Variants in RAD51D observed in about 807,000 individuals in gnomAD.
The protein encoded by RAD51D is RAD51 paralog D.
RAD51D carries 38 observed loss-of-function variants against 44.1 expected under a neutral mutation model. That is an observed-to-expected ratio of 0.86 (90% CI 0.67 to 1.13). The LOEUF (loss-of-function observed/expected upper bound fraction) is 1.13. Ranked by LOEUF, RAD51D falls within the 50% of genes most tolerant of loss-of-function variation. RAD51D has a pLI of 0.00. For missense variants in RAD51D, 390 were observed against 414.0 expected, an observed-to-expected ratio of 0.94 and a Z score of 0.50; for synonymous variants, 141 against 166.6, an observed-to-expected ratio of 0.85 and a Z score of 1.18.
intron 2 of RAD51D, among the ~76,000 whole-genome samples, 186 bp downstream of exon 2, chr17:35,118,925 T>C (rs999896994): frequency 4.6e-5 from 7 of 152,160 alleles, no homozygotes; most frequent in African/African-American, 1.7e-4. Flanking sequence ...GTATTTTTAG[T>C]AGGGACAGGG....
chr17:35,117,794 T>G (rs1256038108), intron 3 of RAD51D, among the ~76,000 whole-genome samples: 1 of 152,140 alleles, frequency 6.6e-6, no homozygotes, highest in African/African-American at 2.4e-5. Flanking sequence ...GAGCACTGCA[T>G]CTGGACCGCA....
intron 3 of RAD51D, among the ~76,000 whole-genome samples, chr17:35,116,110 GT>G (rs2091743140): frequency 6.6e-6 from 1 of 151,348 alleles, no homozygotes; most frequent in South Asian, 2.1e-4. Context: ...TAGAAACCTG[GT>G]GAGTCAGCTT....
At chr17:35,116,981 G>T (rs199583918) in intron 3 of RAD51D, 1 of 1,613,812 alleles carries the variant, frequency 6.2e-7, no homozygotes, top group South Asian at 1.1e-5. Context: ...ATCTCCCTGC[G>T]GGGACCTGAG....
At chr17:35,119,377 C>G in intron 1 of RAD51D, 155 bp downstream of exon 1, 1 of 997,608 alleles carries the variant, frequency 1.0e-6, no homozygotes, top group Non-Finnish European at 1.6e-6. Context: ...CTTGGCTCCC[C>G]ACGCCCACCC....
At position 35,119,149 on chromosome 17, in the gene RAD51D, G is replaced by A. The variant is rs1597877703; in HGVS notation, c.106C>T (p.Leu36=). The change falls in exon 2 of 10, where the codon CTG becomes TTG. Residue 36 remains leucine (L), a synonymous_variant. Transcript: ENST00000345365. ...CCACATTTCTGAGCTACCTCTTCCA[G>A]GTCTGCAGAAACCAGGTCCACCACT... ...KTVVDLVSAD[L]EEVAQKCGLS... The A allele has an allele frequency of 6.2e-7, 1 of 1,614,018 alleles. No homozygotes were observed. The highest frequency in any genetic ancestry group is 8.5e-7 in the Non-Finnish European group (1 of 1,179,858).
At chr17:35,113,170 C>G (rs1413384679) in intron 3 of RAD51D, among the ~76,000 whole-genome samples, 1 of 152,220 alleles carries the variant, frequency 6.6e-6, no homozygotes, top group Non-Finnish European at 1.5e-5. Flanking sequence ...TTTCCTAGCC[C>G]TACAATCACC....
intron 3 of RAD51D, among the ~76,000 whole-genome samples, chr17:35,115,859 A>G (rs1308814194): frequency 6.7e-6 from 1 of 149,706 alleles, no homozygotes; most frequent in African/African-American, 2.5e-5. Context: ...ACAGAGTGAA[A>G]CTCCGTCAAA....
rs2142477868 is a variant in RAD51D at position 35,119,167 on chromosome 17, C to T, written c.88G>A (p.Asp30Asn). ...TCTTCCAGGTCTGCAGAAACCAGGT[C>T]CACCACTGAAAACAAAACACGTATA... is the stretch of plus-strand genomic sequence containing the variant. ...LRSHRIKTVVDLVSADLEEVA... is the reference protein window; with the variant it reads ...LRSHRIKTVVNLVSADLEEVA... Residue 30 changes from aspartate to asparagine, a missense_variant, in exon 2 of 10, where the codon GAC (aspartate) becomes AAC (asparagine). Physicochemically the swap from Asp to Asn is conservative, Grantham distance 23. Transcript: ENST00000345365. 6.2e-7 allele frequency: 1 copy of T among 1,613,780 alleles called. No homozygotes were observed.
chr17:35,099,749 T>A lies in RAD51D; in HGVS notation c.*1204A>T. On this transcript the variant is annotated 3_prime_UTR_variant, in exon 10 of 10. Coordinates refer to ENST00000345365, the MANE Select transcript of RAD51D (RefSeq NM_002878.4). ...CAACAGGCTCTCTAACCAAGAAAGA[T>A]GACCTTCCTTTAAAAGATGTGGCCA... 1 of 409,224 alleles carries A rather than the reference T, an allele frequency of 2.4e-6. No homozygotes were observed. The highest frequency in any genetic ancestry group is 2.0e-5 in the South Asian group (1 of 50,568). The allele number at this position is 409,224 out of a possible 1,614,324, so 25.3% of individuals were successfully genotyped here. A position where few individuals can be genotyped will look rare whatever the true frequency, so the allele number is the denominator to read the frequency against.
At chr17:35,109,911 C>G (rs1230414377) in intron 3 of RAD51D, among the ~76,000 whole-genome samples, 1 of 151,970 alleles carries the variant, frequency 6.6e-6, no homozygotes, top group Admixed American at 6.6e-5. Context: ...AGGTGATCAA[C>G]CTGCCTTGGC....
intron 3 of RAD51D, among the ~76,000 whole-genome samples, chr17:35,108,126 TC>T (rs1322306369): frequency 6.6e-6 from 1 of 151,384 alleles, no homozygotes; most frequent in African/African-American, 2.4e-5. Flanking sequence ...ACGCCTGTAG[TC>T]CTAGCTACTC....
rs1350756279 is a variant in RAD51D at position 35,100,220 on chromosome 17, C to T, written c.*733G>A. The T allele has an allele frequency of 9.4e-6, 5 of 532,446 alleles. No homozygotes were observed. In the East Asian group the frequency reaches 1.2e-4, roughly 13 times the overall value. The allele number at this position is 532,446 out of a possible 1,614,324, so 33.0% of individuals were successfully genotyped here. On this transcript the variant is annotated 3_prime_UTR_variant, in exon 10 of 10. Transcript: ENST00000345365. ...CCCTCCCTTTCTGTTAAATTATATC[C>T]CTGGAACTGCAGCGAGCCCACACGT...
chr17:35,100,079 T>C lies in RAD51D; in HGVS notation c.*874A>G, dbSNP rs1353976502. ...TATTTACTGTGCAAATTCTCCTCTGTCTGTTTATGGGCAAGGCCATGGTTC... is the reference window on the plus strand; with the variant it reads ...TATTTACTGTGCAAATTCTCCTCTGCCTGTTTATGGGCAAGGCCATGGTTC... On this transcript the variant is annotated 3_prime_UTR_variant, in exon 10 of 10. Transcript: ENST00000345365. 2 of 533,134 alleles carry C rather than the reference T, an allele frequency of 3.8e-6. No homozygotes were observed. The allele number at this position is 533,134 out of a possible 1,614,324, so 33.0% of individuals were successfully genotyped here.
rs750282687 is a variant in RAD51D at position 35,116,888 on chromosome 17, AT to A, written c.263+1612del. On this transcript the variant is annotated intron_variant, in intron 3 of 9. Transcript: ENST00000345365. ...AAGTGCTGACCGCAGTGCCTCGTTC[AT>A]CGAAAGCATTCAGCGAAAGTCCATC... The A allele has an allele frequency of 1.8e-5, 28 of 1,584,838 alleles. No homozygotes were observed. Among genetic ancestry groups the A allele is most frequent in the South Asian group, 1.3e-4 (11 of 87,320 alleles).
chr17:35,106,045 T>C (rs1178686974), intron 6 of RAD51D: 3 of 471,476 alleles, frequency 6.4e-6, no homozygotes, highest in East Asian at 6.4e-5. Context: ...TCCCAACTCA[T>C]GTGACATAAT....
chr17:35,106,925 G>T, intron 5 of RAD51D, 63 bp downstream of exon 5: 1 of 1,612,224 alleles, frequency 6.2e-7, no homozygotes, highest in East Asian at 2.2e-5. Flanking sequence ...TTCTTACAAT[G>T]TTAAGGGATA....
At chr17:35,117,309 C>T (rs2091762082) in intron 3 of RAD51D, among the ~76,000 whole-genome samples, 1 of 152,328 alleles carries the variant, frequency 6.6e-6, no homozygotes, top group East Asian at 1.9e-4. Flanking sequence ...ACTGCATGAA[C>T]CCTGCCAAGA....
intron 3 of RAD51D, among the ~76,000 whole-genome samples, chr17:35,111,922 C>T (rs1043172016): frequency 1.3e-5 from 2 of 152,230 alleles, no homozygotes; most frequent in African/African-American, 2.4e-5. Context: ...GAACAAAGTA[C>T]ATGTCATCCA....
chr17:35,119,616 TC>T lies in RAD51D; in HGVS notation c.-4del. 6.2e-7 allele frequency: 1 copy of T among 1,610,664 alleles called. No homozygotes were observed. Among genetic ancestry groups the T allele is most frequent in the Admixed American group, 1.7e-5 (1 of 60,026 alleles). The stretch of plus-strand genomic sequence containing the variant: ...AGTCCGACCCTGAGCACGCCCATGT[TC>T]CCCGCAGGCCGGAACAGCCCCAGGG... On this transcript the variant is annotated 5_prime_UTR_variant, in exon 1 of 10. Coordinates refer to ENST00000345365, the MANE Select transcript of RAD51D (RefSeq NM_002878.4).
Sources: allele counts gnomAD v4.1 joint callset (sites outside exome capture counted in the v4.1 genomes callset), GRCh38; gene constraint gnomAD v4.1.1; transcripts MANE v1.5; gene names NCBI Gene and HGNC (gene_info 2026-07-23, HGNC 2026-07-21).